TMPRSS2: variants seen among roughly 807,000 people sequenced by gnomAD.
TMPRSS2 encodes the protein transmembrane serine protease 2.
In TMPRSS2, 59 loss-of-function variants were observed where a neutral mutation model predicts 67.4. That is an observed-to-expected ratio of 0.88 (90% CI 0.71 to 1.09). The LOEUF (loss-of-function observed/expected upper bound fraction) is 1.09, where lower values mean the gene tolerates loss of function less well. Among genes scored for constraint, TMPRSS2 ranks in the 50% least tolerant of loss-of-function variants. TMPRSS2 has a pLI of 0.00. For synonymous variants in TMPRSS2, 257 were observed against 257.0 expected (o/e 1.00, Z 0.00); for missense variants, 668 against 642.7 (o/e 1.04, Z -0.43).
rs1432423295 is a variant in TMPRSS2, at chr21:41,478,926, C to T, written c.683+246G>A. On this transcript the variant is annotated intron_variant, in intron 7 of 13. Coordinates refer to ENST00000332149, the MANE Select transcript of TMPRSS2 (RefSeq NM_005656.4). The surrounding 1 kb of genome is among the most constrained non-coding windows in gnomAD (Gnocchi z 4.0). ...ATGTCGATGTTGCAAGTGTGAGCCGCTACCAACAAGGGCAGACGGTAGAGG... is the reference window on the plus strand; with the variant it reads ...ATGTCGATGTTGCAAGTGTGAGCCGTTACCAACAAGGGCAGACGGTAGAGG... 6.6e-6 allele frequency among the ~76,000 whole-genome samples: 1 copy of T among 152,210 alleles called. No individual in the cohort carries two copies. Among genetic ancestry groups the T allele is most frequent in the Non-Finnish European group, 1.5e-5 (1 of 68,038 alleles).
At chr21:41,470,874 TC>T in intron 10 of TMPRSS2, 131 bp from the exon 11 acceptor site, 1 of 599,308 alleles carries the variant, frequency 1.7e-6, no homozygotes, top group Non-Finnish European at 2.9e-6. Context: ...TCCCAACAAG[TC>T]CCACATTCTC....
chr21:41,485,301 A>C (rs180826598), intron 5 of TMPRSS2, among the ~76,000 whole-genome samples: 25 of 152,228 alleles, frequency 1.6e-4, no homozygotes, highest in Admixed American at 1.5e-3. Context: ...TTCAGGTAAC[A>C]TAAGGACTTT....
At chr21:41,466,296 A>C (rs2091082899) in intron 13 of TMPRSS2, 143 bp from the exon 14 acceptor site, 1 of 816,164 alleles carries the variant, frequency 1.2e-6, no homozygotes, top group East Asian at 2.7e-5. Context: ...TCTTCTCTCC[A>C]ACGTGTTGGT....
At chr21:41,480,661 C>T (rs1470801771) in intron 5 of TMPRSS2, 59 bp from the exon 6 acceptor site, 34 of 1,580,334 alleles carry the variant, frequency 2.2e-5, no homozygotes, top group Middle Eastern at 1.8e-4. Context: ...TTTTTTGAGA[C>T]GGAGTCTCGC....
In TMPRSS2 at chr21:41,468,093, T is replaced by G. The variant is rs2091099539; in HGVS notation, c.1315-207A>C. The stretch of plus-strand genomic sequence containing the variant: ...GCCCCCATCCTGAATTTTAATCTGT[T>G]CAAGCTAAAAGTTACTAAATAAATT... On this transcript the variant is annotated intron_variant, in intron 12 of 13. Coordinates refer to ENST00000332149, the MANE Select transcript of TMPRSS2 (RefSeq NM_005656.4). 4 of 629,580 alleles carry G rather than the reference T, an allele frequency of 6.4e-6. No homozygotes were observed. In the East Asian group the frequency reaches 1.1e-4, roughly 17 times the overall value. The allele number at this position is 629,580 out of a possible 1,614,324, so 39.0% of individuals were successfully genotyped here. A position where few individuals can be genotyped will look rare whatever the true frequency, so the allele number is the denominator to read the frequency against.
At chr21:41,507,993 G>A in intron 1 of TMPRSS2, 88 bp downstream of exon 1, 2 of 1,400,588 alleles carry the variant, frequency 1.4e-6, no homozygotes. Flanking sequence ...CTCCGGGCGG[G>A]GCAGGGGGCA....
At chr21:41,479,146 T>G in intron 7 of TMPRSS2, 26 bp downstream of exon 7, 1 of 1,583,912 alleles carries the variant, frequency 6.3e-7, no homozygotes, top group Admixed American at 1.7e-5. Context: ...CATTCCAAAA[T>G]TTTTCAAGAA....
intron 1 of TMPRSS2, among the ~76,000 whole-genome samples, chr21:41,505,185 T>G (rs1002885902): frequency 6.6e-6 from 1 of 152,128 alleles, no homozygotes; most frequent in African/African-American, 2.4e-5. Flanking sequence ...GTCCAAGGCT[T>G]AGATCTGATC....
chr21:41,476,545 A>T lies in TMPRSS2; in HGVS notation c.727+32T>A, dbSNP rs201599220. ...AAGTAGAGAGCTTTTCCTAGTTAGA[A>T]GTATCAAAAGGGGGACTCCAGATGA... On this transcript the variant is annotated intron_variant, in intron 8 of 13. Coordinates refer to ENST00000332149, the MANE Select transcript of TMPRSS2 (RefSeq NM_005656.4). 33 of 1,605,398 alleles carry T rather than the reference A, an allele frequency of 2.1e-5. 1 individual carries two copies. In the East Asian group the frequency reaches 3.8e-4, roughly 18 times the overall value.
At chr21:41,491,580 T>C (rs1056841585) in intron 3 of TMPRSS2, among the ~76,000 whole-genome samples, 1 of 152,180 alleles carries the variant, frequency 6.6e-6, no homozygotes, top group East Asian at 1.9e-4. Context: ...GCCAAGGTAG[T>C]TCATGAGAGA....
chr21:41,468,363 A>G (rs746275057), intron 12 of TMPRSS2, 33 bp downstream of exon 12: 2 of 1,612,886 alleles, frequency 1.2e-6, no homozygotes, highest in South Asian at 1.1e-5. Context: ...GGATCTGGTA[A>G]GGACCAAAGG....
In TMPRSS2 at chr21:41,471,867, G is replaced by T; in HGVS notation, c.1014C>A (p.Asp338Glu). 1 of 1,613,616 alleles carries T rather than the reference G, an allele frequency of 6.2e-7. No homozygotes were observed. The highest frequency in any genetic ancestry group is 8.5e-7 in the Non-Finnish European group (1 of 1,179,840). The change falls in exon 10 of 14, where the codon GAC becomes GAA. Residue 338 changes from aspartate to glutamate, a missense_variant. Coordinates refer to ENST00000332149, the MANE Select transcript of TMPRSS2 (RefSeq NM_005656.4). Reference sequence around the variant, plus strand: ...CAATGTCATTGTTCTTGGTCTTGGAGTCATAATTTGGATGAGAAATCACTT... The same window carrying T: ...CAATGTCATTGTTCTTGGTCTTGGATTCATAATTTGGATGAGAAATCACTT... ...VEKVISHPNY[D>E]SKTKNNDIAL...
At chr21:41,501,366 T>C (rs1388975440) in intron 1 of TMPRSS2, among the ~76,000 whole-genome samples, 1 of 152,166 alleles carries the variant, frequency 6.6e-6, no homozygotes, top group Non-Finnish European at 1.5e-5. Context: ...TCCAGCACTT[T>C]GGGAGGCCAA....
At chr21:41,489,399 A>G (rs1800458133) in intron 4 of TMPRSS2, 108 bp downstream of exon 4, 4 of 783,164 alleles carry the variant, frequency 5.1e-6, no homozygotes, top group Non-Finnish European at 8.3e-6. Flanking sequence ...TAAGAGAGGA[A>G]CCTCACGGAG....
At chr21:41,507,655 C>A (rs950774745) in intron 1 of TMPRSS2, among the ~76,000 whole-genome samples, 1 of 152,196 alleles carries the variant, frequency 6.6e-6, no homozygotes, top group Non-Finnish European at 1.5e-5. Context: ...AGAAGCCAAC[C>A]GACAGCACTC....
At chr21:41,497,746 C>T (rs2091394439) in intron 2 of TMPRSS2, among the ~76,000 whole-genome samples, 2 of 152,346 alleles carry the variant, frequency 1.3e-5, no homozygotes, top group South Asian at 2.1e-4. Context: ...TTTCCTAGTC[C>T]TTCAGTTGGG....
Position 41,471,802 on chromosome 21 carries a change from G to A in TMPRSS2, c.1075+4C>T, listed in dbSNP as rs542865477. On this transcript the variant is annotated splice_donor_region_variant and intron_variant, in intron 10 of 13. Transcript: ENST00000332149. ...CCTGCTTGCCAAGCCTGAGCCACAC[G>A]TACCGTTGAAAGTCAGAGGCTTCTG... The A allele has an allele frequency of 2.9e-5, 46 of 1,592,784 alleles. No individual in the cohort carries two copies. The highest frequency in any genetic ancestry group is 5.1e-5 in the Admixed American group (3 of 58,548).
chr21:41,477,842 G>T (rs966375841), intron 7 of TMPRSS2, among the ~76,000 whole-genome samples: 1 of 151,892 alleles, frequency 6.6e-6, no homozygotes, highest in African/African-American at 2.4e-5. Context: ...GCATCAAAGG[G>T]CAACTGCTGC....
In TMPRSS2 at chr21:41,508,042, C is replaced by A. The variant is rs2146521241; in HGVS notation, c.-57+39G>T. The A allele has an allele frequency of 1.4e-5, 18 of 1,304,570 alleles. No homozygotes were observed. In the South Asian group the frequency reaches 3.9e-4, roughly 28 times the overall value. The allele number at this position is 1,304,570 out of a possible 1,614,324, so 80.8% of individuals were successfully genotyped here. A position where few individuals can be genotyped will look rare whatever the true frequency, so the allele number is the denominator to read the frequency against. On this transcript the variant is annotated intron_variant, in intron 1 of 13. Coordinates refer to ENST00000332149, the MANE Select transcript of TMPRSS2 (RefSeq NM_005656.4). ...GGCGCCCAGGTTCCCCTCCCCAGCC[C>A]GGACCCCGAGCCGGGACCCTGGTAC...
Sources: allele counts gnomAD v4.1 joint callset (sites outside exome capture counted in the v4.1 genomes callset), GRCh38; gene constraint gnomAD v4.1.1; non-coding constraint Gnocchi (gnomAD v3.1); transcripts MANE v1.5; gene names NCBI Gene and HGNC (gene_info 2026-07-23, HGNC 2026-07-21).